Variants in SEMA6D observed in about 807,000 individuals in gnomAD.
SEMA6D encodes semaphorin-6D.
In SEMA6D, 35 loss-of-function variants were observed where a neutral mutation model predicts 106.6. The observed-to-expected ratio is 0.33, with a 90% CI of 0.25 to 0.44. SEMA6D has a LOEUF of 0.44. Ranked by LOEUF, SEMA6D falls within the 20% of genes least tolerant of loss-of-function variation. The pLI is 1.00. For missense variants in SEMA6D, 1,185 were observed against 1,345.9 expected (o/e 0.88, Z 1.87); for synonymous variants, 499 against 487.7 (o/e 1.02, Z -0.31).
chr15:47,616,107 A>T (rs574021115), intron 4 of SEMA6D, among the ~76,000 whole-genome samples: 1 of 151,700 alleles, frequency 6.6e-6, no homozygotes, highest in East Asian at 1.9e-4. Context: ...ATATTTACCG[A>T]TCTCTCACCC....
At chr15:47,397,182 C>T (rs1458863421) in intron 1 of SEMA6D, among the ~76,000 whole-genome samples, 1 of 152,150 alleles carries the variant, frequency 6.6e-6, no homozygotes, top group African/African-American at 2.4e-5. Flanking sequence ...GAAAGCCAAG[C>T]CCTCTTAGAC....
At chr15:47,529,651 T>G (rs955465745) in intron 3 of SEMA6D, among the ~76,000 whole-genome samples, 3 of 152,064 alleles carry the variant, frequency 2.0e-5, no homozygotes, top group African/African-American at 7.2e-5. Flanking sequence ...GCACACTTTT[T>G]TACTTTTCTT....
At chr15:47,652,091 A>G (rs1194055588) in intron 4 of SEMA6D, among the ~76,000 whole-genome samples, 1 of 152,170 alleles carries the variant, frequency 6.6e-6, no homozygotes, top group Non-Finnish European at 1.5e-5. Context: ...ATACTGTTCT[A>G]CCTTTACTGG....
chr15:47,469,130 A>G (rs1483891648), intron 2 of SEMA6D, among the ~76,000 whole-genome samples: 1 of 152,214 alleles, frequency 6.6e-6, no homozygotes, highest in African/African-American at 2.4e-5. Flanking sequence ...GGAGTATTTT[A>G]TCACTGACAT....
chr15:47,623,069 C>A (rs558239226), intron 4 of SEMA6D, among the ~76,000 whole-genome samples: 11 of 152,316 alleles, frequency 7.2e-5, no homozygotes, highest in African/African-American at 2.4e-4. Flanking sequence ...TCCCCCCTCC[C>A]TCTCCTGAAG....
chr15:47,339,172 C>G (rs534402111), intron 1 of SEMA6D: 5 of 152,076 alleles, frequency 3.3e-5, no homozygotes, highest in Non-Finnish European at 7.4e-5. Context: ...CCCCATACCT[C>G]ACCCTACACA....
At chr15:47,592,330 G>A (rs537224016) in intron 3 of SEMA6D, among the ~76,000 whole-genome samples, 10 of 152,194 alleles carry the variant, frequency 6.6e-5, no homozygotes, top group East Asian at 5.8e-4. Context: ...GTTTCCCTTC[G>A]TGGCATACTA....
At chr15:47,616,361 AG>A (rs1342508275) in intron 4 of SEMA6D, among the ~76,000 whole-genome samples, 1 of 151,822 alleles carries the variant, frequency 6.6e-6, no homozygotes, top group African/African-American at 2.4e-5. Context: ...TAGTAGAGAC[AG>A]GGTTTCACCA....
chr15:47,327,707 G>A (rs1431721635), intron 1 of SEMA6D, among the ~76,000 whole-genome samples: 1 of 152,190 alleles, frequency 6.6e-6, no homozygotes, highest in African/African-American at 2.4e-5. Flanking sequence ...AACATGGCAT[G>A]CTGTGTTGGA....
At chr15:47,581,088 G>A (rs1299277000) in intron 3 of SEMA6D, among the ~76,000 whole-genome samples, 1 of 152,188 alleles carries the variant, frequency 6.6e-6, no homozygotes, top group Non-Finnish European at 1.5e-5. Flanking sequence ...CTCACAGGCT[G>A]CAACCCACCC....
chr15:47,229,380 C>T (rs2032028973), intron 1 of SEMA6D, among the ~76,000 whole-genome samples: 1 of 151,896 alleles, frequency 6.6e-6, no homozygotes, highest in African/African-American at 2.4e-5. Flanking sequence ...TAGGTCTCTC[C>T]ATGTGGTCTT....
chr15:47,376,724 C>G (rs2039461995), intron 1 of SEMA6D, among the ~76,000 whole-genome samples: 2 of 152,182 alleles, frequency 1.3e-5, no homozygotes, highest in Admixed American at 1.3e-4. Context: ...TAGGGATGGC[C>G]AGAAATGTGT....
At chr15:47,375,394 C>T (rs1372126342) in intron 1 of SEMA6D, among the ~76,000 whole-genome samples, 1 of 152,176 alleles carries the variant, frequency 6.6e-6, no homozygotes, top group Non-Finnish European at 1.5e-5. Context: ...CTCTCCCATT[C>T]CACCTCCATT....
intron 4 of SEMA6D, among the ~76,000 whole-genome samples, chr15:47,706,685 C>G (rs2078918071): frequency 6.6e-6 from 1 of 152,196 alleles, no homozygotes; most frequent in Admixed American, 6.5e-5. Flanking sequence ...CCTTTTCACT[C>G]TGTCTCTGGA....
chr15:47,601,209 CAG>C (rs972837501), intron 4 of SEMA6D, among the ~76,000 whole-genome samples: 6 of 152,122 alleles, frequency 3.9e-5, no homozygotes, highest in African/African-American at 9.7e-5. Flanking sequence ...TGTTCAAAAA[CAG>C]AAGAAGATTT....
chr15:47,503,762 C>T (rs1307296303), intron 3 of SEMA6D, among the ~76,000 whole-genome samples: 1 of 152,104 alleles, frequency 6.6e-6, no homozygotes, highest in Non-Finnish European at 1.5e-5. Context: ...CTAGGCTGCG[C>T]CACCTCTGCT....
intron 1 of SEMA6D, among the ~76,000 whole-genome samples, chr15:47,408,526 G>C (rs1247933104): frequency 1.3e-5 from 2 of 152,114 alleles, no homozygotes; most frequent in Middle Eastern, 3.2e-3. Flanking sequence ...ACTAGTAAAG[G>C]CTGAAAATTC....
chr15:47,598,674 A>G (rs2076583615), intron 3 of SEMA6D, among the ~76,000 whole-genome samples: 1 of 152,138 alleles, frequency 6.6e-6, no homozygotes, highest in Admixed American at 6.5e-5. Context: ...TGTAAGTGGT[A>G]AGGGTTCTGT....
chr15:47,575,874 AC>A (rs1449800141), intron 3 of SEMA6D, among the ~76,000 whole-genome samples: 2 of 152,338 alleles, frequency 1.3e-5, no homozygotes, highest in African/African-American at 4.8e-5. Context: ...AAAAATTAAC[AC>A]AAATGCACAT....
Sources: gnomAD v4.1 joint callset for allele counts (sites outside exome capture counted in the v4.1 genomes callset) on GRCh38, gnomAD v4.1.1 for gene constraint, MANE v1.5 for transcripts, NCBI Gene and HGNC (gene_info 2026-07-23, HGNC 2026-07-21) for gene names.